FHIT: variants seen among roughly 807,000 people sequenced by gnomAD.
FHIT encodes the protein bis(5'-adenosyl)-triphosphatase.
In FHIT, 19 loss-of-function variants were observed where a neutral mutation model predicts 17.9. The observed-to-expected ratio is 1.06, with a 90% CI of 0.74 to 1.56. The LOEUF is 1.56. Ranked by LOEUF, FHIT falls within the 40% of genes most tolerant of loss-of-function variation. FHIT has a pLI of 0.00. For synonymous variants in FHIT, 81 were observed against 69.7 expected, an observed-to-expected ratio of 1.16 and a Z score of -0.81; for missense variants, 248 against 189.2, an observed-to-expected ratio of 1.31 and a Z score of -1.82.
intron 4 of FHIT, among the ~76,000 whole-genome samples, chr3:60,719,310 C>G (rs1577112754): frequency 6.6e-6 from 1 of 152,148 alleles, no homozygotes; most frequent in East Asian, 1.9e-4. Flanking sequence ...AAAATCTATG[C>G]TAAAAATAAC....
chr3:60,136,816 G>A (rs1300301515), intron 5 of FHIT, among the ~76,000 whole-genome samples: 1 of 152,156 alleles, frequency 6.6e-6, no homozygotes. Context: ...CACAAAAGGA[G>A]TATCTTTTTC....
At chr3:60,054,068 A>G (rs11716199) in intron 5 of FHIT, among the ~76,000 whole-genome samples, 54,535 of 152,064 alleles carry the variant, frequency 0.36, 10,946 homozygotes, top group Middle Eastern at 0.54. Flanking sequence ...ATTTTGCTCA[A>G]TCATCAAAAA....
At chr3:61,224,524 C>T (rs748621588) in intron 1 of FHIT, among the ~76,000 whole-genome samples, 1 of 152,172 alleles carries the variant, frequency 6.6e-6, no homozygotes, top group Non-Finnish European at 1.5e-5. Flanking sequence ...ATTCTCCTGC[C>T]TCAGCCTCCC....
intron 5 of FHIT, among the ~76,000 whole-genome samples, chr3:60,022,029 G>T (rs1345470863): frequency 6.6e-6 from 1 of 152,178 alleles, no homozygotes; most frequent in African/African-American, 2.4e-5. Context: ...GAAATAGTAT[G>T]CAGCACTGCT....
At chr3:60,151,665 G>C (rs1194552061) in intron 5 of FHIT, among the ~76,000 whole-genome samples, 1 of 152,056 alleles carries the variant, frequency 6.6e-6, no homozygotes, top group Non-Finnish European at 1.5e-5. Context: ...CTTTCTTGCT[G>C]TTCCTTCAAC....
chr3:61,068,806 G>A (rs1016340560), intron 2 of FHIT, among the ~76,000 whole-genome samples: 4 of 152,154 alleles, frequency 2.6e-5, no homozygotes, highest in African/African-American at 4.8e-5. Context: ...TTGTTGGAAA[G>A]TCAATGAAAG....
chr3:60,851,208 C>T (rs545091204), intron 3 of FHIT, among the ~76,000 whole-genome samples: 2 of 152,224 alleles, frequency 1.3e-5, no homozygotes, highest in Non-Finnish European at 2.9e-5. Context: ...TAAGTCAGAG[C>T]TTAGAAAGTC....
At position 59,750,137 on chromosome 3, in the gene FHIT, C is replaced by T. The variant is rs999888712; in HGVS notation, c.*6-558G>A. The T allele has an allele frequency of 1.5e-4, 33 of 226,902 alleles. No individual in the cohort carries two copies. The Admixed American group carries it at 1.9e-3, about 13-fold the overall frequency. The allele number at this position is 226,902 out of a possible 1,614,324, so 14.1% of individuals were successfully genotyped here. On this transcript the variant is annotated intron_variant, in intron 9 of 9. Transcript: ENST00000492590. ...ACCTGGAAGACAGGAGGTGTCAGGCCTCCAGGCAAGACAGAAGCAAAAACT... is the reference window on the plus strand; with the variant it reads ...ACCTGGAAGACAGGAGGTGTCAGGCTTCCAGGCAAGACAGAAGCAAAAACT...
chr3:60,753,960 G>A (rs764594677), intron 4 of FHIT, among the ~76,000 whole-genome samples: 25 of 152,240 alleles, frequency 1.6e-4, no homozygotes, highest in Non-Finnish European at 3.2e-4. Context: ...ATTTCTGGTT[G>A]TTTAAAAGGC....
chr3:60,039,188 T>C (rs1271095849), intron 5 of FHIT, among the ~76,000 whole-genome samples: 1 of 152,180 alleles, frequency 6.6e-6, no homozygotes, highest in Non-Finnish European at 1.5e-5. Context: ...AGACTTATCA[T>C]ATATTGCCTT....
At chr3:60,149,945 G>T (rs1040042234) in intron 5 of FHIT, among the ~76,000 whole-genome samples, 5 of 148,466 alleles carry the variant, frequency 3.4e-5, no homozygotes, top group Non-Finnish European at 7.4e-5. Context: ...CAGCCATCCT[G>T]CCACCACTGG....
At chr3:60,570,312 A>G (rs1007490140) in intron 4 of FHIT, among the ~76,000 whole-genome samples, 5 of 152,206 alleles carry the variant, frequency 3.3e-5, no homozygotes, top group African/African-American at 1.2e-4. Flanking sequence ...AATGGGAAAG[A>G]CTATTTAAAG....
intron 5 of FHIT, among the ~76,000 whole-genome samples, chr3:60,382,647 G>C (rs1421608249): frequency 2.0e-5 from 3 of 152,108 alleles, no homozygotes; most frequent in African/African-American, 7.2e-5. Flanking sequence ...CCATTCTTGA[G>C]TCCATATTAT....
intron 2 of FHIT, among the ~76,000 whole-genome samples, chr3:61,140,256 A>T (rs985471072): frequency 3.9e-5 from 6 of 152,200 alleles, no homozygotes; most frequent in African/African-American, 1.4e-4. Context: ...GAATATGATG[A>T]TGACGATGAT....
intron 5 of FHIT, among the ~76,000 whole-genome samples, chr3:60,529,103 AGGTTT>A (rs2035677840): frequency 6.6e-6 from 1 of 152,214 alleles, no homozygotes; most frequent in Non-Finnish European, 1.5e-5. Context: ...GGTATTGTAG[AGGTTT>A]TTAAGGATAA....
intron 4 of FHIT, among the ~76,000 whole-genome samples, chr3:60,757,942 C>T (rs1699506198): frequency 6.6e-6 from 1 of 152,208 alleles, no homozygotes; most frequent in African/African-American, 2.4e-5. Context: ...CTGCCCTCCA[C>T]CCTTTCCTCG....
In FHIT at chr3:60,730,423, C is replaced by T. The variant is rs552294432; in HGVS notation, c.-18+91496G>A. On this transcript the variant is annotated intron_variant, in intron 4 of 9. Transcript: ENST00000492590. ...CATGTGAGCAGAAAATGTGTATTTC[C>T]CACTGGATTCTTTGTCTCCTTTATA... 1.3e-5 allele frequency: 3 copies of T among 234,866 alleles called. No individual in the cohort carries two copies. In the South Asian group the frequency reaches 2.3e-4, roughly 18 times the overall value. The allele number at this position is 234,866 out of a possible 1,614,324, so 14.5% of individuals were successfully genotyped here.
intron 5 of FHIT, among the ~76,000 whole-genome samples, chr3:60,112,830 T>C (rs1446378804): frequency 1.3e-5 from 2 of 152,190 alleles, no homozygotes; most frequent in Non-Finnish European, 2.9e-5. Context: ...TGATATGTTC[T>C]AACAGTAGAG....
In FHIT at chr3:59,843,802, T is replaced by C. The variant is rs981314920; in HGVS notation, c.348+78544A>G. On this transcript the variant is annotated intron_variant, in intron 8 of 9. Coordinates refer to ENST00000492590, the MANE Select transcript of FHIT (RefSeq NM_002012.4). The stretch of plus-strand genomic sequence containing the variant: ...TTTTTTGGTGGAATCTTTAGGGTTT[T>C]CTACATGTAAGTTCATATCATCTGT... 2.6e-5 allele frequency among the ~76,000 whole-genome samples: 4 copies of C among 152,140 alleles called. No homozygotes were observed. In the South Asian group the frequency reaches 6.2e-4, roughly 24 times the overall value.
Sources: gnomAD v4.1 joint callset for allele counts (sites outside exome capture counted in the v4.1 genomes callset) on GRCh38, gnomAD v4.1.1 for gene constraint, MANE v1.5 for transcripts, NCBI Gene and HGNC (gene_info 2026-07-23, HGNC 2026-07-21) for gene names.